AKAP12: variants seen among roughly 807,000 people sequenced by gnomAD.
AKAP12 encodes the protein A-kinase anchor protein 12.
A neutral mutation model predicts 79.9 loss-of-function variants in AKAP12; 32 were observed. The observed-to-expected ratio is 0.40, with a 90% CI of 0.30 to 0.54. AKAP12 has a LOEUF of 0.54. Ranked by LOEUF, AKAP12 falls within the 20% of genes least tolerant of loss-of-function variation. AKAP12 has a pLI of 0.48. For synonymous variants in AKAP12, 808 were observed against 857.0 expected (o/e 0.94, Z 1.00); for missense variants, 2,074 against 2,177.0 (o/e 0.95, Z 0.94).
chr6:151,240,461 T>C lies in AKAP12; in HGVS notation c.-102T>C. On this transcript the variant is annotated 5_prime_UTR_variant, in exon 2 of 5. Transcript: ENST00000402676. ...CGGCTGGCGGCGAAGGAAGGCGCTC[T>C]CGGGACCTCGCGGGCGCGCGTCTTT... The C allele has an allele frequency of 7.9e-7, 1 of 1,259,320 alleles. No homozygotes were observed. The highest frequency in any genetic ancestry group is 1.0e-6 in the Non-Finnish European group (1 of 990,394). The allele number at this position is 1,259,320 out of a possible 1,614,324, so 78.0% of individuals were successfully genotyped here.
At chr6:151,282,602 CTT>C (rs1392829420) in intron 2 of AKAP12, among the ~76,000 whole-genome samples, 1 of 152,072 alleles carries the variant, frequency 6.6e-6, no homozygotes, top group African/African-American at 2.4e-5. Flanking sequence ...AAGGTTTGCC[CTT>C]TTGGTTGCTG....
chr6:151,262,676 A>G (rs1797461473), intron 2 of AKAP12, among the ~76,000 whole-genome samples: 1 of 152,174 alleles, frequency 6.6e-6, no homozygotes, highest in African/African-American at 2.4e-5. Context: ...AATATCTGGC[A>G]TGAATTAACT....
intron 3 of AKAP12, among the ~76,000 whole-genome samples, chr6:151,339,398 G>A (rs1351578906): frequency 6.6e-6 from 1 of 152,174 alleles, no homozygotes; most frequent in African/African-American, 2.4e-5. Flanking sequence ...CGTTGGTCAA[G>A]TCATATGACC....
At chr6:151,327,195 A>G (rs1777551585) in intron 3 of AKAP12, among the ~76,000 whole-genome samples, 1 of 151,218 alleles carries the variant, frequency 6.6e-6, no homozygotes, top group Non-Finnish European at 1.5e-5. Flanking sequence ...CTGCAAAGCC[A>G]TGCGCTCCAG....
At chr6:151,354,511 C>T (rs1778394146) in intron 4 of AKAP12, among the ~76,000 whole-genome samples, 1 of 151,818 alleles carries the variant, frequency 6.6e-6, no homozygotes, top group Admixed American at 6.6e-5. Context: ...GTAGCTGGGA[C>T]TACAGGTGCC....
At chr6:151,259,416 G>GTA (rs778221322) in intron 2 of AKAP12, among the ~76,000 whole-genome samples, 7 of 142,692 alleles carry the variant, frequency 4.9e-5, no homozygotes, top group Non-Finnish European at 4.5e-5. Flanking sequence ...ATTTATATAT[G>GTA]TATATATATA....
At chr6:151,266,394 A>G (rs1450926121) in intron 2 of AKAP12, among the ~76,000 whole-genome samples, 1 of 152,204 alleles carries the variant, frequency 6.6e-6, no homozygotes, top group Non-Finnish European at 1.5e-5. Context: ...GAGGAAAGAC[A>G]GTGTTAGCTC....
intron 3 of AKAP12, among the ~76,000 whole-genome samples, chr6:151,309,984 AAG>A (rs1263251709): frequency 6.7e-6 from 1 of 148,576 alleles, no homozygotes; most frequent in Non-Finnish European, 1.5e-5. Context: ...AAAAAAAAAA[AAG>A]AAAAAGAAAA....
At chr6:151,321,774 G>GT (rs1396515900) in intron 3 of AKAP12, among the ~76,000 whole-genome samples, 1 of 152,076 alleles carries the variant, frequency 6.6e-6, no homozygotes, top group Non-Finnish European at 1.5e-5. Context: ...ATTTTCCAAA[G>GT]TGGCTGTACC....
In AKAP12 at chr6:151,240,417, G is replaced by A. The variant is rs1796947377; in HGVS notation, c.-146G>A. ...CGCGAGCGCGTCTCCTTCATTCGCA[G>A]GCTGGGCGCGTTCGCAGTCGGCTGG... On this transcript the variant is annotated 5_prime_UTR_variant, in exon 2 of 5. Coordinates refer to ENST00000402676, the MANE Select transcript of AKAP12 (RefSeq NM_005100.4). The A allele has an allele frequency of 2.3e-6, 2 of 853,402 alleles. No homozygotes were observed. 52.9% of individuals were successfully genotyped at this position (853,402 alleles called of 1,614,324 possible). A position where few individuals can be genotyped will look rare whatever the true frequency, so the allele number is the denominator to read the frequency against.
intron 3 of AKAP12, among the ~76,000 whole-genome samples, chr6:151,338,805 AG>A (rs1777879023): frequency 6.6e-6 from 1 of 152,186 alleles, no homozygotes; most frequent in Non-Finnish European, 1.5e-5. Context: ...TGTCCTTCTC[AG>A]GGTATTGCAC....
rs137955911 is a variant in AKAP12, at chr6:151,352,325, G to A, written c.3934G>A (p.Ala1312Thr). The A allele has an allele frequency of 6.2e-7, 1 of 1,614,198 alleles. No homozygotes were observed. Among genetic ancestry groups the A allele is most frequent in the Non-Finnish European group, 8.5e-7 (1 of 1,180,054 alleles). ...VALKGEGTEE[A>T]ECKKDDALEL... Reference sequence around the variant, plus strand: ...CCTTAAAGGTGAAGGGACAGAAGAAGCTGAATGTAAAAAGGATGATGCTCT... The same window carrying A: ...CCTTAAAGGTGAAGGGACAGAAGAAACTGAATGTAAAAAGGATGATGCTCT... Residue 1312 changes from alanine to threonine, a missense_variant, in exon 4 of 5, where the codon GCT becomes ACT. This residue lies in a region of AKAP12 where 614 missense variants were observed against 665.6 expected (regional missense o/e 0.92). Coordinates refer to ENST00000402676, the MANE Select transcript of AKAP12 (RefSeq NM_005100.4).
intron 3 of AKAP12, among the ~76,000 whole-genome samples, chr6:151,344,517 TTTG>T (rs34753223): frequency 0.45 from 68,088 of 151,672 alleles, 18,910 homozygotes; most frequent in Non-Finnish European, 0.61. Context: ...CTCAGGCAGT[TTTG>T]TTGTTGTTGT....
chr6:151,305,786 G>T lies in AKAP12; in HGVS notation c.202G>T (p.Val68Leu). The change falls in exon 3 of 5, where the codon GTA (valine) becomes TTA (leucine). Residue 68 changes from valine (V) to leucine (L), a missense_variant. By Grantham distance (32) the Val-to-Leu change is conservative. Transcript: ENST00000402676. ...KNGQLSTING[V>L]AEQDELSLQE... ...TGGTCAGCTGTCCACCATCAATGGC[G>T]TAGCTGAGCAAGATGAGCTCAGCCT... The T allele has an allele frequency of 6.2e-7, 1 of 1,613,710 alleles. No individual in the cohort carries two copies. The highest frequency in any genetic ancestry group is 1.1e-5 in the South Asian group (1 of 90,994).
chr6:151,354,414 TC>T (rs1778389489), intron 4 of AKAP12, among the ~76,000 whole-genome samples: 1 of 152,176 alleles, frequency 6.6e-6, no homozygotes, highest in Non-Finnish European at 1.5e-5. Context: ...CGCTCTGTCA[TC>T]CAGGCTGGAA....
At chr6:151,325,441 A>T in intron 3 of AKAP12, 2 of 985,372 alleles carry the variant, frequency 2.0e-6, no homozygotes, top group Non-Finnish European at 2.4e-6. Context: ...GCACCCTTTA[A>T]ACCCTCCCGG....
intron 3 of AKAP12, chr6:151,324,653 G>GT: frequency 1.0e-6 from 1 of 985,058 alleles, no homozygotes; most frequent in African/African-American, 1.7e-5. Context: ...AAGAGCTGGT[G>GT]TTAATGGGTC....
chr6:151,287,290 T>C (rs1251790524), intron 2 of AKAP12, among the ~76,000 whole-genome samples: 2 of 148,066 alleles, frequency 1.4e-5, no homozygotes, highest in African/African-American at 2.5e-5. Flanking sequence ...GACGGGGTGT[T>C]GCTCTGTTGC....
chr6:151,272,214 G>T (rs943855527), intron 2 of AKAP12, among the ~76,000 whole-genome samples: 1 of 151,742 alleles, frequency 6.6e-6, no homozygotes, highest in South Asian at 2.1e-4. Context: ...GTGTGGTGGT[G>T]CAGGCCTGTA....
Sources: allele counts gnomAD v4.1 joint callset (sites outside exome capture counted in the v4.1 genomes callset), GRCh38; gene constraint gnomAD v4.1.1; regional missense constraint gnomAD v4.1.1; transcripts MANE v1.5; gene names NCBI Gene and HGNC (gene_info 2026-07-23, HGNC 2026-07-21).